DNAAF11: variants seen among roughly 807,000 people sequenced by gnomAD.
DNAAF11 encodes dynein axonemal assembly factor 11, also known as leucine rich repeat containing 6.
A neutral mutation model predicts 60.8 loss-of-function variants in DNAAF11; 45 were observed. The observed-to-expected ratio is 0.74, with a 90% CI of 0.58 to 0.95. The LOEUF (loss-of-function observed/expected upper bound fraction) is 0.95. DNAAF11 is among the 40% of genes least tolerant of loss of function. The pLI is 0.00. For synonymous variants in DNAAF11, 191 were observed against 183.5 expected (o/e 1.04, Z -0.33); for missense variants, 546 against 546.2 (o/e 1.00, Z 0.00).
intron 5 of DNAAF11, among the ~76,000 whole-genome samples, chr8:132,629,430 C>T (rs1487580542): frequency 6.6e-6 from 1 of 151,596 alleles, no homozygotes; most frequent in African/African-American, 2.4e-5. Context: ...TCACTGCAAG[C>T]TCCGCCTCCT....
At chr8:132,650,082 A>G (rs937623705) in intron 3 of DNAAF11, among the ~76,000 whole-genome samples, 4 of 152,218 alleles carry the variant, frequency 2.6e-5, no homozygotes, top group Non-Finnish European at 4.4e-5. Flanking sequence ...TATTTATTGC[A>G]GCACTATTCA....
At chr8:132,638,171 G>A (rs1205445425) in intron 3 of DNAAF11, 64 bp from the exon 4 acceptor site, 2 of 1,241,102 alleles carry the variant, frequency 1.6e-6, no homozygotes, top group Non-Finnish European at 1.2e-6. Context: ...AACAAAACGT[G>A]TGTAACATCA....
chr8:132,622,237 T>C (rs966634047), intron 7 of DNAAF11, among the ~76,000 whole-genome samples: 1 of 152,200 alleles, frequency 6.6e-6, no homozygotes, highest in Admixed American at 6.5e-5. Flanking sequence ...AGTAGATGTA[T>C]AGAAGGTACA....
chr8:132,635,421 C>A (rs1385415762), intron 4 of DNAAF11, among the ~76,000 whole-genome samples: 1 of 152,158 alleles, frequency 6.6e-6, no homozygotes, highest in African/African-American at 2.4e-5. Flanking sequence ...AAATGAGGCA[C>A]ACAATTCACA....
chr8:132,627,758 T>C (rs1200050394), intron 5 of DNAAF11, among the ~76,000 whole-genome samples: 1 of 152,170 alleles, frequency 6.6e-6, no homozygotes, highest in East Asian at 1.9e-4. Flanking sequence ...GTTCAGAGTC[T>C]TCCTGCCTTG....
upstream of DNAAF11, among the ~76,000 whole-genome samples, chr8:132,678,874 G>C (rs1394138030): frequency 6.6e-6 from 1 of 152,038 alleles, no homozygotes; most frequent in Non-Finnish European, 1.5e-5. Flanking sequence ...ACTAGGACAT[G>C]TGCCTTGGAT....
chr8:132,590,960 C>T lies in DNAAF11; in HGVS notation c.1141-7181G>A, dbSNP rs188721278. On this transcript the variant is annotated intron_variant, in intron 10 of 11. Coordinates refer to ENST00000620350, the MANE Select transcript of DNAAF11 (RefSeq NM_012472.6). ...GAGAGTTAATAATTGTATAACACTC[C>T]ATTTTATGTGTGCACTATCATTTAA... Among the ~76,000 whole-genome samples, 77 of 152,238 alleles carry T rather than the reference C, an allele frequency of 5.1e-4. No individual in the cohort carries two copies. The East Asian group carries it at 0.01, about 20-fold the overall frequency.
At chr8:132,577,785 A>G (rs562952775) in intron 11 of DNAAF11, among the ~76,000 whole-genome samples, 1 of 152,190 alleles carries the variant, frequency 6.6e-6, no homozygotes, top group Non-Finnish European at 1.5e-5. Context: ...CAGACTCCCA[A>G]GTAGCTGGGG....
At chr8:132,686,937 T>G in the DNAAF11 span, among the ~76,000 whole-genome samples, 1 of 152,208 alleles carries the variant, frequency 6.6e-6, no homozygotes, top group African/African-American at 2.4e-5. Flanking sequence ...TTTGGCTTAT[T>G]AACTATCCCA....
chr8:132,623,410 A>G (rs1819950974), intron 6 of DNAAF11, among the ~76,000 whole-genome samples: 1 of 152,144 alleles, frequency 6.6e-6, no homozygotes, highest in Admixed American at 6.5e-5. Flanking sequence ...GATAAGTTAT[A>G]CAATTACAAA....
chr8:132,700,523 C>CAAAA, the DNAAF11 span, among the ~76,000 whole-genome samples: 1 of 135,398 alleles, frequency 7.4e-6, no homozygotes, highest in Admixed American at 7.7e-5. Context: ...CCCACCTCTA[C>CAAAA]AAAAAAAAAA....
the DNAAF11 span, among the ~76,000 whole-genome samples, chr8:132,698,562 A>G: frequency 1.3e-5 from 2 of 152,320 alleles, no homozygotes; most frequent in African/African-American, 4.8e-5. Context: ...TAATCTGGGC[A>G]CAGTCAATAT....
intron 1 of DNAAF11, among the ~76,000 whole-genome samples, chr8:132,667,675 A>G (rs1014570067): frequency 2.0e-5 from 3 of 152,212 alleles, no homozygotes; most frequent in Non-Finnish European, 4.4e-5. Flanking sequence ...GACAGCTTCA[A>G]CCACAGATAC....
rs1205446920 is a variant in DNAAF11, at chr8:132,591,509, G to C, written c.1141-7730C>G. Among the ~76,000 whole-genome samples, 3 of 151,562 alleles carry C rather than the reference G, an allele frequency of 2.0e-5. No individual in the cohort carries two copies. In the East Asian group the frequency reaches 5.8e-4, roughly 29 times the overall value. Reference sequence around the variant, plus strand: ...TTCTCATATCTTTTGTGTTTGTTTTGTAACTGTCGTTTCCCACCTTTCTAT... The same window carrying C: ...TTCTCATATCTTTTGTGTTTGTTTTCTAACTGTCGTTTCCCACCTTTCTAT... On this transcript the variant is annotated intron_variant, in intron 10 of 11. Coordinates refer to ENST00000620350, the MANE Select transcript of DNAAF11 (RefSeq NM_012472.6).
At chr8:132,679,888 A>G (rs1411272057), upstream of DNAAF11, among the ~76,000 whole-genome samples, 7 of 152,176 alleles carry the variant, frequency 4.6e-5, no homozygotes, top group African/African-American at 7.2e-5. Context: ...TTTCTTTTGG[A>G]CATTGCCCAG....
intron 10 of DNAAF11, among the ~76,000 whole-genome samples, chr8:132,605,997 G>A (rs1449048225): frequency 6.6e-6 from 1 of 152,158 alleles, no homozygotes; most frequent in Non-Finnish European, 1.5e-5. Flanking sequence ...TGAATAAAAT[G>A]GGAAGAGTAA....
chr8:132,664,566 A>C (rs1028157217), intron 1 of DNAAF11, among the ~76,000 whole-genome samples: 2 of 151,840 alleles, frequency 1.3e-5, no homozygotes, highest in Non-Finnish European at 2.9e-5. Context: ...GGATCAAGGG[A>C]TCCTCCTACC....
At chr8:132,673,482 T>G (rs138680954) in intron 1 of DNAAF11, among the ~76,000 whole-genome samples, 1 of 152,198 alleles carries the variant, frequency 6.6e-6, no homozygotes, top group Admixed American at 6.5e-5. Context: ...ACAAAACCTT[T>G]TGGTTTCTCT....
At chr8:132,639,446 T>G (rs1821642632) in intron 3 of DNAAF11, among the ~76,000 whole-genome samples, 1 of 152,190 alleles carries the variant, frequency 6.6e-6, no homozygotes, top group African/African-American at 2.4e-5. Context: ...TATATACTTT[T>G]TTGTAATTTT....
Sources: allele counts gnomAD v4.1 joint callset (sites outside exome capture counted in the v4.1 genomes callset), GRCh38; gene constraint gnomAD v4.1.1; transcripts MANE v1.5; gene names NCBI Gene and HGNC (gene_info 2026-07-23, HGNC 2026-07-21).